GLIS3: variants seen among roughly 807,000 people sequenced by gnomAD.
GLIS3 encodes the protein GLIS family zinc finger 3, also known as zinc finger protein GLIS3.
Under a neutral mutation model 78.6 loss-of-function variants are expected in GLIS3, and 53 were observed. The observed-to-expected ratio is 0.67, with a 90% confidence interval of 0.54 to 0.85. GLIS3 has a LOEUF of 0.85. Ranked by LOEUF, GLIS3 falls within the 40% of genes least tolerant of loss-of-function variation. The pLI, the probability that GLIS3 is intolerant of heterozygous loss-of-function variation, is 0.00. For synonymous variants in GLIS3, 684 were observed against 509.9 expected, an observed-to-expected ratio of 1.34 and a Z score of -4.60; for missense variants, 1,703 against 1,231.1, an observed-to-expected ratio of 1.38 and a Z score of -5.74.
chr9:4,238,916 G>A (rs1191811656), intron 2 of GLIS3, among the ~76,000 whole-genome samples: 3 of 151,918 alleles, frequency 2.0e-5, no homozygotes, highest in Admixed American at 6.6e-5. Flanking sequence ...TTTTCACCAC[G>A]AGGCAGCCAA....
chr9:4,100,387 T>C (rs1471372049), intron 4 of GLIS3, among the ~76,000 whole-genome samples: 1 of 152,068 alleles, frequency 6.6e-6, no homozygotes, highest in African/African-American at 2.4e-5. Context: ...ATGTTTTAAA[T>C]GGGGGAGTAC....
intron 4 of GLIS3, among the ~76,000 whole-genome samples, chr9:3,995,022 A>C (rs1274001391): frequency 6.6e-6 from 1 of 152,204 alleles, no homozygotes. Context: ...GAAGAATCAA[A>C]GTATGGGTCT....
the GLIS3 span, among the ~76,000 whole-genome samples, chr9:4,446,219 T>G: frequency 1.3e-5 from 2 of 152,182 alleles, no homozygotes; most frequent in African/African-American, 4.8e-5. Flanking sequence ...GGTAAATAAT[T>G]AAGCCATGAG....
chr9:3,945,621 C>T (rs597650), intron 4 of GLIS3, among the ~76,000 whole-genome samples: 11,510 of 152,118 alleles, frequency 0.076, 564 homozygotes, highest in African/African-American at 0.13. Context: ...GAGATGGCTA[C>T]TGGGGAGGTG....
intron 4 of GLIS3, among the ~76,000 whole-genome samples, chr9:4,032,526 C>G (rs1823928381): frequency 6.6e-6 from 1 of 152,002 alleles, no homozygotes; most frequent in Admixed American, 6.6e-5. Flanking sequence ...TTAGAGATGG[C>G]AGAATGGCTC....
chr9:4,046,239 C>G (rs912276432), intron 4 of GLIS3, among the ~76,000 whole-genome samples: 1 of 152,196 alleles, frequency 6.6e-6, no homozygotes, highest in Non-Finnish European at 1.5e-5. Context: ...TACCACAGGG[C>G]TCTATTCTTG....
At chr9:4,220,719 G>A (rs1587022898) in intron 2 of GLIS3, among the ~76,000 whole-genome samples, 1 of 150,186 alleles carries the variant, frequency 6.7e-6, no homozygotes, top group African/African-American at 2.5e-5. Flanking sequence ...ACATAAGTGA[G>A]ACCCCATTTC....
intron 4 of GLIS3, among the ~76,000 whole-genome samples, chr9:4,075,795 A>C (rs986699400): frequency 6.6e-6 from 1 of 152,204 alleles, no homozygotes; most frequent in African/African-American, 2.4e-5. Flanking sequence ...GAACTACTTA[A>C]CCATGCAGCA....
the GLIS3 span, among the ~76,000 whole-genome samples, chr9:4,485,522 C>T: frequency 1.3e-5 from 2 of 152,168 alleles, no homozygotes; most frequent in African/African-American, 4.8e-5. Context: ...TTCTTAAAAA[C>T]TCCAGCCTCC....
chr9:4,235,843 G>T (rs1006290837), intron 2 of GLIS3, among the ~76,000 whole-genome samples: 6 of 152,108 alleles, frequency 3.9e-5, no homozygotes, highest in African/African-American at 1.4e-4. Context: ...CCAAAAGAAA[G>T]AAACACAGGA....
Position 4,286,449 on chromosome 9 carries a change from G to T in GLIS3, c.-24C>A. ...ATTCTGAAAAACCTGTGGCCAAGAC[G>T]GTCAAATATCCAATGTCACTAATGA... On this transcript the variant is annotated 5_prime_UTR_variant, in exon 2 of 11. Transcript: ENST00000381971. The T allele has an allele frequency of 1.9e-6, 3 of 1,612,722 alleles. No homozygotes were observed. The highest frequency in any genetic ancestry group is 1.7e-6 in the Non-Finnish European group (2 of 1,179,920).
intron 4 of GLIS3, among the ~76,000 whole-genome samples, chr9:3,966,023 A>T (rs527638562): frequency 6.6e-6 from 1 of 152,356 alleles, no homozygotes; most frequent in Non-Finnish European, 1.5e-5. Context: ...ATTCCTAATG[A>T]ATGATAATTT....
upstream of GLIS3, among the ~76,000 whole-genome samples, chr9:4,351,248 A>T (rs1051283407): frequency 7.2e-5 from 11 of 152,006 alleles, no homozygotes; most frequent in Non-Finnish European, 1.3e-4. Context: ...GTCTCAAAAG[A>T]AACAAACAAA....
intron 2 of GLIS3, among the ~76,000 whole-genome samples, chr9:4,328,378 A>T (rs1229041315): frequency 6.6e-6 from 1 of 152,158 alleles, no homozygotes; most frequent in African/African-American, 2.4e-5. Flanking sequence ...CAGCAGATAG[A>T]GGTGTTCATG....
At position 4,117,707 on chromosome 9, in the gene GLIS3, C is replaced by G. The variant is rs969694703; in HGVS notation, c.1710+61G>C. 5 of 1,601,722 alleles carry G rather than the reference C, an allele frequency of 3.1e-6. No homozygotes were observed. The African/African-American group carries it at 4.0e-5, about 13-fold the overall frequency. On this transcript the variant is annotated intron_variant, in intron 4 of 10. Coordinates refer to ENST00000381971, the MANE Select transcript of GLIS3 (RefSeq NM_001042413.2). Reference sequence around the variant, plus strand: ...CCATGGGCCGAGTTAGGAAAAAACACACGTACGCAAAGCAAGCCGGGCCTT... The same window carrying G: ...CCATGGGCCGAGTTAGGAAAAAACAGACGTACGCAAAGCAAGCCGGGCCTT...
intron 2 of GLIS3, among the ~76,000 whole-genome samples, chr9:4,218,134 C>A (rs964097784): frequency 3.9e-5 from 6 of 152,206 alleles, no homozygotes; most frequent in Non-Finnish European, 7.3e-5. Context: ...GCTGAAAAGC[C>A]ACATGCCATC....
At chr9:4,397,645 AAGGAAGAAAAGGAAGGAAGGAAGGG>A in the GLIS3 span, among the ~76,000 whole-genome samples, 1 of 147,290 alleles carries the variant, frequency 6.8e-6, no homozygotes, top group Non-Finnish European at 1.5e-5. Context: ...GAAGAAAAGG[AAGGAAGAAAAGGAAGGAAGGAAGGG>A]AGGGAGGAAG....
At chr9:4,109,837 T>C (rs984908037) in intron 4 of GLIS3, among the ~76,000 whole-genome samples, 3 of 152,308 alleles carry the variant, frequency 2.0e-5, no homozygotes, top group East Asian at 3.9e-4. Context: ...TGCTATTTCA[T>C]ATGGTGCTGT....
intron 6 of GLIS3, among the ~76,000 whole-genome samples, chr9:3,927,959 C>T (rs1043865369): frequency 5.9e-5 from 9 of 152,188 alleles, no homozygotes; most frequent in African/African-American, 2.2e-4. Context: ...ACAAAAGCAT[C>T]TCCCAGAGCC....
Sources: gnomAD v4.1 joint callset for allele counts (sites outside exome capture counted in the v4.1 genomes callset) on GRCh38, gnomAD v4.1.1 for gene constraint, MANE v1.5 for transcripts, NCBI Gene and HGNC (gene_info 2026-07-23, HGNC 2026-07-21) for gene names.